The following ESS2 variants were observed in gnomAD, a reference collection of about 807,000 sequenced individuals.
ESS2 encodes splicing factor ESS-2 homolog.
Under a neutral mutation model 52.0 loss-of-function variants are expected in ESS2, and 31 were observed. The observed-to-expected ratio is 0.60, with a 90% CI of 0.45 to 0.81. ESS2 has a LOEUF of 0.81. Among genes scored for constraint, ESS2 ranks in the 30% least tolerant of loss-of-function variants. The probability of loss-of-function intolerance (pLI) is 0.00; values close to 1 mark genes in which losing one functional copy is unlikely to be tolerated. For missense variants in ESS2, 602 were observed against 637.2 expected (o/e 0.94, Z 0.59); for synonymous variants, 285 against 259.2 (o/e 1.10, Z -0.95).
chr22:19,137,289 G>A (rs769452287), intron 8 of ESS2, 34 bp downstream of exon 8: 18 of 1,518,898 alleles, frequency 1.2e-5, no homozygotes, highest in African/African-American at 2.7e-5. Flanking sequence ...TGTCCACCCC[G>A]GTCGCACACA....
At chr22:19,139,469 C>T (rs552700599) in intron 5 of ESS2, 143 bp downstream of exon 5, 1 of 1,214,938 alleles carries the variant, frequency 8.2e-7, no homozygotes, top group East Asian at 2.3e-5. Flanking sequence ...GACCTGTCCA[C>T]CCTTAGACAG....
rs372479336 is a variant in ESS2, at chr22:19,132,597, C to T, written c.*1599G>A. 2.0e-5 allele frequency: 21 copies of T among 1,025,564 alleles called. No homozygotes were observed. The highest frequency in any genetic ancestry group is 2.2e-4 in the Middle Eastern group (1 of 4,528). 63.5% of individuals were successfully genotyped at this position (1,025,564 alleles called of 1,614,324 possible). On this transcript the variant is annotated 3_prime_UTR_variant, in exon 10 of 10. Coordinates refer to ENST00000252137, the MANE Select transcript of ESS2 (RefSeq NM_022719.3). This position sits in a 1 kb window ranked among gnomAD's most constrained non-coding sequence, Gnocchi z 4.2. ...AGAAGGCACAGGTGCAAGTAAAATT[C>T]GTCAATTAAACCACTATTTTGATTA...
chr22:19,135,011 C>A, intron 9 of ESS2, 49 bp downstream of exon 9: 1 of 1,557,614 alleles, frequency 6.4e-7, no homozygotes, highest in South Asian at 1.1e-5. Context: ...CGAACAGGAG[C>A]AGGCCAGAGC....
rs1341898952 is a variant in ESS2 at position 19,134,240 on chromosome 22, G to A, written c.1387C>T (p.Leu463=). The change falls in exon 10 of 10, where the codon CTG becomes TTG. Residue 463 remains leucine (L), a synonymous_variant. Coordinates refer to ENST00000252137, the MANE Select transcript of ESS2 (RefSeq NM_022719.3). ...TTGCGCCGGGCAGGGAGCTGCAGCAGGTTGTCCGTGATGGAGGCCGGGTCC... is the reference window on the plus strand; with the variant it reads ...TTGCGCCGGGCAGGGAGCTGCAGCAAGTTGTCCGTGATGGAGGCCGGGTCC... ...TQDPASITDN[L]LQLPARRKAS... is the part of the protein sequence containing the mutation. The A allele has an allele frequency of 1.9e-6, 3 of 1,549,072 alleles. No homozygotes were observed. The highest frequency in any genetic ancestry group is 2.6e-6 in the Non-Finnish European group (3 of 1,144,804).
In ESS2 at chr22:19,139,230, A is replaced by T; in HGVS notation, c.751T>A (p.Phe251Ile). 1 of 1,609,356 alleles carries T rather than the reference A, an allele frequency of 6.2e-7. No homozygotes were observed. The highest frequency in any genetic ancestry group is 8.5e-7 in the Non-Finnish European group (1 of 1,177,644). The part of the protein sequence containing the change: ...PRQVVHKNTR[F>I]LRDPFSQALS... ...GCTTGGCTGAAGGGGTCCCTAAGGA[A>T]GCGCGTGTTCTTATGTACCACCTGC... is the stretch of plus-strand genomic sequence containing the variant. Residue 251 changes from phenylalanine (F) to isoleucine (I), a missense_variant, in exon 6 of 10, where the codon TTC becomes ATC. Transcript: ENST00000252137.
At chr22:19,144,340 C>G in intron 1 of ESS2, 166 bp downstream of exon 1, 12 of 1,432,228 alleles carry the variant, frequency 8.4e-6, no homozygotes, top group Non-Finnish European at 1.1e-5. Flanking sequence ...TCTTCCACCA[C>G]AGACGTCTTC....
chr22:19,135,205 C>T lies in ESS2; in HGVS notation c.1036-30G>A, dbSNP rs200641219. The T allele has an allele frequency of 1.2e-4, 186 of 1,576,490 alleles. 1 individual carries two copies. In the African/African-American group the frequency reaches 1.9e-3, roughly 16 times the overall value. On this transcript the variant is annotated intron_variant, in intron 8 of 9. Coordinates refer to ENST00000252137, the MANE Select transcript of ESS2 (RefSeq NM_022719.3). ...AAGGTAGCAGGTGTGTGGGTAGCTGCGCCAGGCCTGCCACACGCCAGGCAG... is the reference window on the plus strand; with the variant it reads ...AAGGTAGCAGGTGTGTGGGTAGCTGTGCCAGGCCTGCCACACGCCAGGCAG...
chr22:19,142,264 A>G (rs2146107261), intron 3 of ESS2, among the ~76,000 whole-genome samples: 1 of 152,376 alleles, frequency 6.6e-6, no homozygotes, highest in African/African-American at 2.4e-5. Flanking sequence ...TCCAACATCC[A>G]TGAAGCCCAC....
chr22:19,132,025 T>C lies in ESS2; in HGVS notation c.*2171A>G, dbSNP rs975850629. 16 of 1,613,996 alleles carry C rather than the reference T, an allele frequency of 9.9e-6. No individual in the cohort carries two copies. The highest frequency in any genetic ancestry group is 1.2e-5 in the Non-Finnish European group (14 of 1,180,016). On this transcript the variant is annotated 3_prime_UTR_variant, in exon 10 of 10. Transcript: ENST00000252137. The surrounding 1 kb of genome is among the most constrained non-coding windows in gnomAD (Gnocchi z 4.2). ...AGCCTGGGCGTGATCCTGTACATCA[T>C]GGTCTGCGGCTCCATGCCCTATGAC...
chr22:19,143,339 A>G (rs2083726831), intron 1 of ESS2, among the ~76,000 whole-genome samples: 1 of 152,018 alleles, frequency 6.6e-6, no homozygotes, highest in South Asian at 2.1e-4. Flanking sequence ...CTGGGGCTGG[A>G]TTGAGGGAGC....
intron 6 of ESS2, 27 bp downstream of exon 6, chr22:19,139,132 T>C (rs756585246): frequency 3.6e-5 from 56 of 1,562,484 alleles, no homozygotes; most frequent in Middle Eastern, 3.4e-4. Flanking sequence ...ACCTGGCCCA[T>C]GCGGCCCTGC....
At chr22:19,143,184 G>T (rs565377199) in intron 1 of ESS2, among the ~76,000 whole-genome samples, 51 of 123,628 alleles carry the variant, frequency 4.1e-4, no homozygotes, top group Non-Finnish European at 6.5e-4. Context: ...CAGCCTGGGC[G>T]ACAGAGCGAG....
intron 2 of ESS2, 30 bp downstream of exon 2, chr22:19,142,696 C>T: frequency 6.2e-7 from 1 of 1,610,340 alleles, no homozygotes; most frequent in Non-Finnish European, 8.5e-7. Context: ...GCAGGCTTTC[C>T]CCTCTCCGCC....
chr22:19,132,672 C>G lies in ESS2; in HGVS notation c.*1524G>C. On this transcript the variant is annotated 3_prime_UTR_variant, in exon 10 of 10. Transcript: ENST00000252137. The surrounding 1 kb of genome is among the most constrained non-coding windows in gnomAD (Gnocchi z 4.2). ...AGCAGCAAAGACGTTCCTTACTGACCACCAAATAAACCACAGGGTGTGTGC... is the reference window on the plus strand; with the variant it reads ...AGCAGCAAAGACGTTCCTTACTGACGACCAAATAAACCACAGGGTGTGTGC... The G allele has an allele frequency of 1.6e-6, 1 of 616,332 alleles. No homozygotes were observed. The highest frequency in any genetic ancestry group is 2.0e-5 in the South Asian group (1 of 50,196). 38.2% of individuals were successfully genotyped at this position (616,332 alleles called of 1,614,324 possible).
rs2083536987 is a variant in ESS2 at position 19,134,069 on chromosome 22, T to C, written c.*127A>G. ...GCCCCAGCACAGCCCCTTTCTCCAGTGACTCCTGGTATGGTCAACAGCTTC... is the reference window on the plus strand; with the variant it reads ...GCCCCAGCACAGCCCCTTTCTCCAGCGACTCCTGGTATGGTCAACAGCTTC... On this transcript the variant is annotated 3_prime_UTR_variant, in exon 10 of 10. Coordinates refer to ENST00000252137, the MANE Select transcript of ESS2 (RefSeq NM_022719.3). 1.7e-6 allele frequency: 2 copies of C among 1,164,682 alleles called. No homozygotes were observed. The highest frequency in any genetic ancestry group is 3.1e-5 in the East Asian group (1 of 32,402). 72.1% of individuals were successfully genotyped at this position (1,164,682 alleles called of 1,614,324 possible). A position where few individuals can be genotyped will look rare whatever the true frequency, so the allele number is the denominator to read the frequency against.
At chr22:19,143,731 C>G (rs1328785522) in intron 1 of ESS2, among the ~76,000 whole-genome samples, 8 of 152,194 alleles carry the variant, frequency 5.3e-5, no homozygotes, top group African/African-American at 1.9e-4. Flanking sequence ...TGGCGGGCAC[C>G]TGTAGTCACA....
In ESS2 at chr22:19,130,518, C is replaced by A; in HGVS notation, c.*3678G>T. On this transcript the variant is annotated 3_prime_UTR_variant, in exon 10 of 10. Transcript: ENST00000252137. The stretch of plus-strand genomic sequence containing the variant: ...TAAAAGGGGCCCAGTGCCTTCAAGG[C>A]CTGTCTACTGTGGTACCGGAGTGAT... 2.6e-6 allele frequency: 1 copy of A among 384,832 alleles called. No individual in the cohort carries two copies. The highest frequency in any genetic ancestry group is 5.0e-6 in the Non-Finnish European group (1 of 201,238). The allele number at this position is 384,832 out of a possible 1,614,324, so 23.8% of individuals were successfully genotyped here. A position where few individuals can be genotyped will look rare whatever the true frequency, so the allele number is the denominator to read the frequency against.
At chr22:19,137,235 C>G in intron 8 of ESS2, 88 bp downstream of exon 8, 2 of 929,620 alleles carry the variant, frequency 2.2e-6, no homozygotes, top group Non-Finnish European at 1.6e-6. Context: ...GGGGGCCGAT[C>G]CCAGTGCTCA....
At position 19,134,078 on chromosome 22, in the gene ESS2, G is replaced by A; in HGVS notation, c.*118C>T. ...CAGCCCCTTTCTCCAGTGACTCCTG[G>A]TATGGTCAACAGCTTCTGGCCCAGG... is the stretch of plus-strand genomic sequence containing the variant. On this transcript the variant is annotated 3_prime_UTR_variant, in exon 10 of 10. Transcript: ENST00000252137. 2 of 1,246,792 alleles carry A rather than the reference G, an allele frequency of 1.6e-6. No homozygotes were observed. The highest frequency in any genetic ancestry group is 2.1e-6 in the Non-Finnish European group (2 of 962,290). The allele number at this position is 1,246,792 out of a possible 1,614,324, so 77.2% of individuals were successfully genotyped here.
Sources: allele counts gnomAD v4.1 joint callset (sites outside exome capture counted in the v4.1 genomes callset), GRCh38; gene constraint gnomAD v4.1.1; non-coding constraint Gnocchi (gnomAD v3.1); transcripts MANE v1.5; gene names NCBI Gene and HGNC (gene_info 2026-07-23, HGNC 2026-07-21).